Variants in MUSK observed in about 807,000 individuals in gnomAD.
MUSK encodes muscle, skeletal receptor tyrosine-protein kinase.
A neutral mutation model predicts 88.7 loss-of-function variants in MUSK; 55 were observed. That is an observed-to-expected ratio of 0.62 (90% CI 0.50 to 0.78). MUSK has a LOEUF of 0.78. MUSK is among the 30% of genes least tolerant of loss of function. MUSK has a pLI of 0.00. For missense variants in MUSK, 1,015 were observed against 1,074.3 expected, an observed-to-expected ratio of 0.94 and a Z score of 0.77; for synonymous variants, 387 against 391.9, an observed-to-expected ratio of 0.99 and a Z score of 0.15.
At position 110,803,241 on chromosome 9, in the gene MUSK, A is replaced by G. The variant is rs969933056; in HGVS notation, c.*2253A>G. On this transcript the variant is annotated 3_prime_UTR_variant, in exon 15 of 15. Coordinates refer to ENST00000374448, the MANE Select transcript of MUSK (RefSeq NM_005592.4). ...CATGTGTATTCTGAGGCCTTTAAAT[A>G]TATGAACTTAAACCTCACAACATCC... Among the ~76,000 whole-genome samples, 1 of 152,238 alleles carries G rather than the reference A, an allele frequency of 6.6e-6. No homozygotes were observed. Among genetic ancestry groups the G allele is most frequent in the African/African-American group, 2.4e-5 (1 of 41,466 alleles).
chr9:110,799,841 A>G (rs1414631405), intron 14 of MUSK, among the ~76,000 whole-genome samples: 2 of 152,302 alleles, frequency 1.3e-5, no homozygotes, highest in East Asian at 3.9e-4. Flanking sequence ...GAGGCACCCT[A>G]GGGAGAGTGA....
chr9:110,776,930 G>T lies in MUSK; in HGVS notation c.1384+275G>T, dbSNP rs2767012. ...TTTAGTCTGTTTTATTTCTTATATG[G>T]CTATAAGTAAGCCAAATTTAAAATG... On this transcript the variant is annotated intron_variant, in intron 11 of 14. Transcript: ENST00000374448. Among the ~76,000 whole-genome samples, 129,577 of 151,846 alleles carry T rather than the reference G, an allele frequency of 0.85. 55,689 individuals carry two copies. The highest frequency in any genetic ancestry group is 0.96 in the African/African-American group (39,778 of 41,500).
chr9:110,692,670 C>T (rs1032766300), intron 3 of MUSK, among the ~76,000 whole-genome samples: 1 of 151,764 alleles, frequency 6.6e-6, no homozygotes, highest in Non-Finnish European at 1.5e-5. Flanking sequence ...ACTATTCTGT[C>T]ATTCTGAGTG....
intron 8 of MUSK, among the ~76,000 whole-genome samples, chr9:110,767,503 A>G (rs1029836324): frequency 6.6e-6 from 1 of 152,230 alleles, no homozygotes; most frequent in East Asian, 1.9e-4. Flanking sequence ...TCAGCTTATT[A>G]ACTAAGAGTA....
rs191581729 is a variant in MUSK at position 110,784,946 on chromosome 9, A to G, written c.1516A>G (p.Ile506Val). The change falls in exon 12 of 15, where the codon ATA becomes GTA. Residue 506 changes from isoleucine (I) to valine (V), a missense_variant. Ile to Val is a conservative substitution (Grantham distance 29, BLOSUM62 3). Transcript: ENST00000374448. Reference protein sequence around the residue: ...VIISIMSSFAIFVLLTITTLY... With the variant: ...VIISIMSSFAVFVLLTITTLY... Reference sequence around the variant, plus strand: ...AATCTCCATCATGTCCAGCTTTGCAATATTTGTGCTTCTTACCATAACTAC... The same window carrying G: ...AATCTCCATCATGTCCAGCTTTGCAGTATTTGTGCTTCTTACCATAACTAC... The G allele has an allele frequency of 7.3e-5, 118 of 1,613,878 alleles. No individual in the cohort carries two copies. Among genetic ancestry groups the G allele is most frequent in the Middle Eastern group, 3.3e-4 (2 of 6,060 alleles).
chr9:110,716,036 A>C (rs959745652), intron 5 of MUSK, among the ~76,000 whole-genome samples: 2 of 149,678 alleles, frequency 1.3e-5, no homozygotes, highest in Non-Finnish European at 2.9e-5. Flanking sequence ...CTTATTACCT[A>C]AGTGATGGGC....
intron 6 of MUSK, among the ~76,000 whole-genome samples, chr9:110,740,467 T>C (rs1415239186): frequency 6.6e-6 from 1 of 152,170 alleles, no homozygotes; most frequent in Non-Finnish European, 1.5e-5. Context: ...CAGAGTGTTT[T>C]TTCATAACAC....
At chr9:110,799,235 C>CTT (rs906339234) in intron 14 of MUSK, among the ~76,000 whole-genome samples, 3 of 152,068 alleles carry the variant, frequency 2.0e-5, no homozygotes, top group African/African-American at 7.2e-5. Flanking sequence ...CAAACAGATA[C>CTT]TTTTAACTTT....
Position 110,734,377 on chromosome 9 carries a change from TGA to T in MUSK, c.753+4_753+5del. The T allele has an allele frequency of 6.2e-7, 1 of 1,613,090 alleles. No homozygotes were observed. The highest frequency in any genetic ancestry group is 8.5e-7 in the Non-Finnish European group (1 of 1,179,312). ...ACCTGGATTGAAAACGGAAATGCTGTGAGTGTCATGTGTGTGGGGACTTGTCT... is the reference window on the plus strand; with the variant it reads ...ACCTGGATTGAAAACGGAAATGCTGTGTGTCATGTGTGTGGGGACTTGTCT... On this transcript the variant is annotated splice_donor_region_variant and intron_variant, in intron 6 of 14. Coordinates refer to ENST00000374448, the MANE Select transcript of MUSK (RefSeq NM_005592.4).
chr9:110,688,135 G>C (rs1026554832), intron 3 of MUSK, among the ~76,000 whole-genome samples: 1 of 151,924 alleles, frequency 6.6e-6, no homozygotes, highest in African/African-American at 2.4e-5. Flanking sequence ...GAGGGCTTAT[G>C]CCATTCTGAC....
Position 110,800,295 on chromosome 9 carries a change from T to G in MUSK, c.1928-11T>G, listed in dbSNP as rs1040143409. The G allele has an allele frequency of 1.9e-6, 3 of 1,591,894 alleles. No homozygotes were observed. Among genetic ancestry groups the G allele is most frequent in the African/African-American group, 2.7e-5 (2 of 74,362 alleles). On this transcript the variant is annotated splice_polypyrimidine_tract_variant and intron_variant, in intron 14 of 14. Coordinates refer to ENST00000374448, the MANE Select transcript of MUSK (RefSeq NM_005592.4). ...AAACTGAGACTAACAGGGATGGTCTTTTGGTTCCAGGAGTGTGTGCTGTCG... is the reference window on the plus strand; with the variant it reads ...AAACTGAGACTAACAGGGATGGTCTGTTGGTTCCAGGAGTGTGTGCTGTCG...
intron 7 of MUSK, among the ~76,000 whole-genome samples, chr9:110,749,254 C>T (rs769385466): frequency 8.4e-4 from 128 of 152,182 alleles, no homozygotes; most frequent in African/African-American, 2.9e-3. Context: ...CAGTCAGTCA[C>T]GTATATTATG....
chr9:110,697,412 G>T lies in MUSK; in HGVS notation c.574G>T (p.Ala192Ser), dbSNP rs866747138. The T allele has an allele frequency of 6.2e-7, 1 of 1,612,088 alleles. No individual in the cohort carries two copies. The highest frequency in any genetic ancestry group is 1.1e-5 in the South Asian group (1 of 90,714). Residue 192 changes from alanine to serine, a missense_variant, in exon 5 of 15, where the codon GCA becomes TCA. Ala to Ser is a moderately conservative substitution (Grantham distance 99, BLOSUM62 1). Transcript: ENST00000374448. The stretch of plus-strand genomic sequence containing the variant: ...AGATGCAGGACAGTATCGATGTGTG[G>T]CAAAAAACAGCCTCGGGACAGCATA... Reference protein sequence around the residue: ...KEDAGQYRCVAKNSLGTAYSK... With the variant: ...KEDAGQYRCVSKNSLGTAYSK...
At chr9:110,748,361 G>A (rs1029318313) in intron 7 of MUSK, among the ~76,000 whole-genome samples, 15 of 152,146 alleles carry the variant, frequency 9.9e-5, no homozygotes, top group African/African-American at 2.4e-4. Context: ...TATTTCTTGC[G>A]GGCATTTTTA....
intron 9 of MUSK, among the ~76,000 whole-genome samples, chr9:110,773,831 T>C (rs1442802318): frequency 6.6e-6 from 1 of 152,190 alleles, no homozygotes; most frequent in African/African-American, 2.4e-5. Context: ...ATCCTGACTT[T>C]TGTTCCTTTG....
At chr9:110,724,706 A>G (rs2076860341) in intron 5 of MUSK, among the ~76,000 whole-genome samples, 1 of 151,880 alleles carries the variant, frequency 6.6e-6, no homozygotes, top group Admixed American at 6.6e-5. Context: ...TTGTTTTTTA[A>G]TATGGCTTTG....
chr9:110,730,445 T>C (rs1587965437), intron 5 of MUSK, among the ~76,000 whole-genome samples: 1 of 152,124 alleles, frequency 6.6e-6, no homozygotes, highest in African/African-American at 2.4e-5. Context: ...CACTTTTATA[T>C]TCTTTTATGC....
At chr9:110,685,298 A>G (rs934573903) in intron 2 of MUSK, among the ~76,000 whole-genome samples, 3 of 152,112 alleles carry the variant, frequency 2.0e-5, no homozygotes, top group African/African-American at 7.2e-5. Flanking sequence ...CTTGTATCCC[A>G]GGGATAAGTT....
chr9:110,697,287 C>G (rs1206390803), intron 4 of MUSK, 38 bp from the exon 5 acceptor site: 1 of 1,608,604 alleles, frequency 6.2e-7, no homozygotes, highest in South Asian at 1.1e-5. Flanking sequence ...TTGATAGACC[C>G]ATAAACATTT....
Sources: allele counts gnomAD v4.1 joint callset (sites outside exome capture counted in the v4.1 genomes callset), GRCh38; gene constraint gnomAD v4.1.1; transcripts MANE v1.5; gene names NCBI Gene and HGNC (gene_info 2026-07-23, HGNC 2026-07-21).